MATN2: variants seen among roughly 807,000 people sequenced by gnomAD.
MATN2 encodes matrilin 2.
MATN2 carries 69 observed loss-of-function variants against 103.2 expected under a neutral mutation model. That is an observed-to-expected ratio of 0.67 (90% confidence interval 0.55 to 0.82). The LOEUF (loss-of-function observed/expected upper bound fraction) is 0.82, where lower values mean the gene tolerates loss of function less well. Ranked by LOEUF, MATN2 falls within the 40% of genes least tolerant of loss-of-function variation. MATN2 has a pLI of 0.00. For missense variants in MATN2, 1,023 were observed against 1,211.5 expected, an observed-to-expected ratio of 0.84 and a Z score of 2.31; for synonymous variants, 429 against 450.2, an observed-to-expected ratio of 0.95 and a Z score of 0.60.
At chr8:97,998,448 G>A (rs1812670566) in intron 7 of MATN2, among the ~76,000 whole-genome samples, 1 of 149,508 alleles carries the variant, frequency 6.7e-6, no homozygotes, top group African/African-American at 2.5e-5. Flanking sequence ...CGTGAACCTG[G>A]GAGGCGGAGC....
At chr8:98,021,874 A>T (rs764304520) in intron 13 of MATN2, among the ~76,000 whole-genome samples, 35 of 152,294 alleles carry the variant, frequency 2.3e-4, no homozygotes, top group Non-Finnish European at 4.6e-4. Context: ...GTTACCAGAG[A>T]TCAAAAAGTT....
intron 1 of MATN2, among the ~76,000 whole-genome samples, chr8:97,879,514 G>A (rs1354948558): frequency 3.3e-5 from 5 of 152,216 alleles, no homozygotes; most frequent in African/African-American, 7.2e-5. Context: ...TGGGAGTCTG[G>A]CTGAGAAAGG....
intron 7 of MATN2, among the ~76,000 whole-genome samples, chr8:97,997,780 CT>C (rs968492732): frequency 1.3e-5 from 2 of 150,042 alleles, no homozygotes; most frequent in Non-Finnish European, 3.0e-5. Context: ...CAAAGAGCCA[CT>C]GTTAAACGTC....
intron 2 of MATN2, among the ~76,000 whole-genome samples, chr8:97,905,670 T>C (rs77668642): frequency 0.03 from 4,513 of 152,256 alleles, 78 homozygotes; most frequent in Middle Eastern, 0.061. Flanking sequence ...GTTTTGTTTT[T>C]TGTTTTTTTG....
chr8:98,027,918 CTTCT>C (rs1813871877), intron 14 of MATN2, 89 bp downstream of exon 14: 3 of 1,372,474 alleles, frequency 2.2e-6, no homozygotes, highest in Admixed American at 5.2e-5. Context: ...TAAGGGTAAG[CTTCT>C]TTGAGTGTAC....
chr8:97,967,194 C>T (rs1003364913), intron 5 of MATN2, among the ~76,000 whole-genome samples: 1 of 152,166 alleles, frequency 6.6e-6, no homozygotes, highest in Non-Finnish European at 1.5e-5. Context: ...TCCCACTAAG[C>T]CCCACCTCCA....
chr8:97,999,058 C>G (rs1812696206), intron 7 of MATN2, among the ~76,000 whole-genome samples: 1 of 152,188 alleles, frequency 6.6e-6, no homozygotes, highest in Admixed American at 6.5e-5. Context: ...ATGAATTTGA[C>G]TATTCTAGGT....
In MATN2 at chr8:97,961,465, C is replaced by T. The variant is rs539837200; in HGVS notation, c.893C>T (p.Pro298Leu). The change falls in exon 5 of 19, where the codon CCG becomes CTG. Residue 298 changes from proline (P) to leucine (L), a missense_variant. Physicochemically the swap from Pro to Leu is moderately conservative, Grantham distance 98. Transcript: ENST00000254898. Reference sequence around the variant, plus strand: ...TGTGAGCAGCTCTGTGTGAATGTGCCGGGCTCCTTCGTCTGCCAGTGCTAC... The same window carrying T: ...TGTGAGCAGCTCTGTGTGAATGTGCTGGGCTCCTTCGTCTGCCAGTGCTAC... ...HNCEQLCVNV[P>L]GSFVCQCYSG... is the part of the protein sequence containing the mutation. 1.4e-5 allele frequency: 23 copies of T among 1,613,772 alleles called. No homozygotes were observed. The highest frequency in any genetic ancestry group is 1.3e-4 in the East Asian group (6 of 44,864).
rs1814245759 is a variant in MATN2, at chr8:98,036,216, G to A, written c.*504G>A. On this transcript the variant is annotated 3_prime_UTR_variant, in exon 19 of 19. Transcript: ENST00000254898. ...ATTAAAATTCACCACTTCAGAGAAT[G>A]GTATTCAGTGCAAAAATTCTTAGTT... The A allele has an allele frequency of 1.3e-5, 2 of 152,208 alleles. No individual in the cohort carries two copies. Among genetic ancestry groups the A allele is most frequent in the Admixed American group, 1.3e-4 (2 of 15,280 alleles). 9.4% of individuals were successfully genotyped at this position (152,208 alleles called of 1,614,324 possible).
rs1006727410 is a variant in MATN2, at chr8:97,999,812, A to G, written c.1205-3849A>G. On this transcript the variant is annotated intron_variant, in intron 7 of 18. Transcript: ENST00000254898. Reference sequence around the variant, plus strand: ...CAGCCATTCTGCTCATACTCTGGGCATGAAGCAAGCTCCAGCCACCAGTCA... The same window carrying G: ...CAGCCATTCTGCTCATACTCTGGGCGTGAAGCAAGCTCCAGCCACCAGTCA... 4.6e-5 allele frequency among the ~76,000 whole-genome samples: 7 copies of G among 150,980 alleles called. No individual in the cohort carries two copies. The East Asian group carries it at 1.4e-3, about 29-fold the overall frequency.
intron 2 of MATN2, among the ~76,000 whole-genome samples, chr8:97,918,915 G>T (rs566282649): frequency 6.6e-6 from 1 of 152,240 alleles, no homozygotes; most frequent in South Asian, 2.1e-4. Context: ...ACAAGTGGAG[G>T]GTAACAGTGC....
At chr8:97,991,492 C>T (rs1563712114) in intron 6 of MATN2, among the ~76,000 whole-genome samples, 2 of 152,136 alleles carry the variant, frequency 1.3e-5, no homozygotes, top group Non-Finnish European at 2.9e-5. Context: ...GAGGCCGAGG[C>T]GAGTGGATTG....
chr8:97,916,097 TCTCA>T (rs1809620170), intron 2 of MATN2, among the ~76,000 whole-genome samples: 1 of 151,772 alleles, frequency 6.6e-6, no homozygotes, highest in African/African-American at 2.4e-5. Flanking sequence ...TGAGACAGAG[TCTCA>T]CTCAGTTACC....
chr8:97,979,698 T>A (rs754509663), intron 6 of MATN2, among the ~76,000 whole-genome samples: 60 of 152,182 alleles, frequency 3.9e-4, no homozygotes, highest in Non-Finnish European at 4.0e-4. Flanking sequence ...ATAGGGAGGA[T>A]CACTTGAGAA....
At chr8:97,942,036 T>C in intron 4 of MATN2, 137 bp downstream of exon 4, 1 of 1,153,410 alleles carries the variant, frequency 8.7e-7, no homozygotes, top group African/African-American at 1.5e-5. Flanking sequence ...GAAATAAAGT[T>C]TGGTATTTTC....
At chr8:97,994,028 A>AGGG (rs1812479809) in intron 6 of MATN2, among the ~76,000 whole-genome samples, 1 of 151,030 alleles carries the variant, frequency 6.6e-6, no homozygotes, top group African/African-American at 2.5e-5. Flanking sequence ...AATAATAATA[A>AGGG]TAGAAGAAGA....
At chr8:97,889,480 TATATATATAA>T (rs1040450133) in intron 2 of MATN2, among the ~76,000 whole-genome samples, 7 of 89,974 alleles carry the variant, frequency 7.8e-5, no homozygotes, top group Non-Finnish European at 1.4e-4. Flanking sequence ...TATATATATA[TATATATATAA>T]AACTGATGAT....
At chr8:98,021,744 A>C (rs184017531) in intron 13 of MATN2, among the ~76,000 whole-genome samples, 1 of 152,280 alleles carries the variant, frequency 6.6e-6, no homozygotes, top group Non-Finnish European at 1.5e-5. Context: ...ATCTGAGAGT[A>C]GAGAAGATCT....
intron 5 of MATN2, among the ~76,000 whole-genome samples, chr8:97,968,220 G>A (rs987831534): frequency 1.3e-5 from 2 of 152,162 alleles, no homozygotes; most frequent in African/African-American, 4.8e-5. Context: ...TTTTCCCCTA[G>A]GCCTCTGGGC....
Sources: allele counts gnomAD v4.1 joint callset (sites outside exome capture counted in the v4.1 genomes callset), GRCh38; gene constraint gnomAD v4.1.1; transcripts MANE v1.5; gene names NCBI Gene and HGNC (gene_info 2026-07-23, HGNC 2026-07-21).